PARD3B: variants seen among roughly 807,000 people sequenced by gnomAD.
PARD3B encodes par-3 family cell polarity regulator beta.
PARD3B carries 103 observed loss-of-function variants against 130.2 expected under a neutral mutation model. That is an observed-to-expected ratio of 0.79 (90% CI 0.67 to 0.93). The LOEUF (loss-of-function observed/expected upper bound fraction) is 0.93. Ranked by LOEUF, PARD3B falls within the 40% of genes least tolerant of loss-of-function variation. The pLI, the probability that PARD3B is intolerant of heterozygous loss-of-function variation, is 0.00. For synonymous variants in PARD3B, 583 were observed against 553.2 expected, an observed-to-expected ratio of 1.05 and a Z score of -0.76; for missense variants, 1,609 against 1,499.2, an observed-to-expected ratio of 1.07 and a Z score of -1.21.
intron 15 of PARD3B, among the ~76,000 whole-genome samples, chr2:205,213,359 T>G (rs2037746097): frequency 6.6e-6 from 1 of 152,142 alleles, no homozygotes; most frequent in Admixed American, 6.6e-5. Flanking sequence ...GTGAGCATTT[T>G]TTTTCCCATT....
At chr2:205,481,724 A>T (rs768337531) in intron 20 of PARD3B, among the ~76,000 whole-genome samples, 2 of 152,156 alleles carry the variant, frequency 1.3e-5, no homozygotes, top group Non-Finnish European at 2.9e-5. Context: ...CTTATTTCAG[A>T]GATAAGGAGG....
At chr2:205,467,128 G>A (rs900464462) in intron 20 of PARD3B, among the ~76,000 whole-genome samples, 3 of 152,132 alleles carry the variant, frequency 2.0e-5, no homozygotes, top group Admixed American at 2.0e-4. Flanking sequence ...TATCTTTTTG[G>A]TCATTTTGTT....
chr2:205,586,278 C>T (rs2054193735), intron 22 of PARD3B, among the ~76,000 whole-genome samples: 1 of 152,198 alleles, frequency 6.6e-6, no homozygotes. Context: ...TCAGAAAACA[C>T]ATATTGATTG....
In PARD3B at chr2:204,679,997, G is replaced by A. The variant is rs544177123; in HGVS notation, c.121-6184G>A. 3.9e-5 allele frequency among the ~76,000 whole-genome samples: 6 copies of A among 152,042 alleles called. No homozygotes were observed. In the East Asian group the frequency reaches 1.2e-3, roughly 29 times the overall value. On this transcript the variant is annotated intron_variant, in intron 1 of 22. Transcript: ENST00000406610. The stretch of plus-strand genomic sequence containing the variant: ...TGTAGATTTTTACCTACATATCCAT[G>A]AGAAAGAGAGAGACTGGGATATTAT...
intron 15 of PARD3B, among the ~76,000 whole-genome samples, chr2:205,219,121 T>A (rs2038103162): frequency 6.6e-6 from 1 of 151,992 alleles, no homozygotes; most frequent in African/African-American, 2.4e-5. Flanking sequence ...CTCTGGACTC[T>A]GGGTCTAGCC....
chr2:205,176,729 G>T lies in PARD3B; in HGVS notation c.1924+152G>T, dbSNP rs2035495080. The T allele has an allele frequency of 1.1e-6, 1 of 877,494 alleles. No homozygotes were observed. The highest frequency in any genetic ancestry group is 1.8e-5 in the African/African-American group (1 of 56,510). The allele number at this position is 877,494 out of a possible 1,614,324, so 54.4% of individuals were successfully genotyped here. A position where few individuals can be genotyped will look rare whatever the true frequency, so the allele number is the denominator to read the frequency against. On this transcript the variant is annotated intron_variant, in intron 13 of 22. Coordinates refer to ENST00000406610, the MANE Select transcript of PARD3B (RefSeq NM_001302769.2). This position sits in a 1 kb window ranked among gnomAD's most constrained non-coding sequence, Gnocchi z 5.3. ...AGTCACAAACACTGAGAGAGTTGGG[G>T]GAGAGCTGACTCAGAACTTGTGAAT...
intron 1 of PARD3B, among the ~76,000 whole-genome samples, chr2:204,662,524 A>G (rs933517603): frequency 6.6e-6 from 1 of 152,226 alleles, no homozygotes; most frequent in Non-Finnish European, 1.5e-5. Context: ...AGCTTGCAAC[A>G]TAATCACACA....
At chr2:205,254,732 C>T (rs1169630602) in intron 16 of PARD3B, among the ~76,000 whole-genome samples, 4 of 150,498 alleles carry the variant, frequency 2.7e-5, no homozygotes, top group Non-Finnish European at 5.9e-5. Context: ...GGCGCGATCT[C>T]GGCTCACTGC....
At chr2:204,843,076 G>A (rs901375652) in intron 2 of PARD3B, among the ~76,000 whole-genome samples, 3 of 152,050 alleles carry the variant, frequency 2.0e-5, no homozygotes, top group African/African-American at 7.2e-5. Context: ...TCTGAGCTGA[G>A]CCCCGAGGAT....
In PARD3B at chr2:205,357,376, A is replaced by T. The variant is rs1055272365; in HGVS notation, c.2631-43637A>T. The stretch of plus-strand genomic sequence containing the variant: ...CATGAAACTTCCTGAGTTGAATTAT[A>T]TTTGGAAGACAAAAATAATTTCTGT... On this transcript the variant is annotated intron_variant, in intron 18 of 22. Coordinates refer to ENST00000406610, the MANE Select transcript of PARD3B (RefSeq NM_001302769.2). Among the ~76,000 whole-genome samples the T allele has an allele frequency of 2.0e-5, 3 of 152,182 alleles. No individual in the cohort carries two copies. In the East Asian group the frequency reaches 5.8e-4, roughly 29 times the overall value.
At chr2:205,444,755 C>T (rs2047846152) in intron 20 of PARD3B, among the ~76,000 whole-genome samples, 1 of 152,094 alleles carries the variant, frequency 6.6e-6, no homozygotes, top group African/African-American at 2.4e-5. Flanking sequence ...GCATTGGAGA[C>T]AGGAGAGTAT....
Position 205,300,846 on chromosome 2 carries a change from ATATTT to A in PARD3B, c.2392+112_2392+116del. On this transcript the variant is annotated intron_variant, in intron 17 of 22. Transcript: ENST00000406610. This position sits in a 1 kb window ranked among gnomAD's most constrained non-coding sequence, Gnocchi z 4.1. The stretch of plus-strand genomic sequence containing the variant: ...AAAAAATGATTTAAGGATCACAATT[ATATTT>A]TTGATATTAAAAGTAATTCATTTTC... The A allele has an allele frequency of 8.9e-7, 1 of 1,119,210 alleles. No homozygotes were observed. The highest frequency in any genetic ancestry group is 1.2e-6 in the Non-Finnish European group (1 of 803,390). 69.3% of individuals were successfully genotyped at this position (1,119,210 alleles called of 1,614,324 possible).
At chr2:204,942,511 T>TA (rs2125805187) in intron 2 of PARD3B, among the ~76,000 whole-genome samples, 1 of 152,294 alleles carries the variant, frequency 6.6e-6, no homozygotes, top group South Asian at 2.1e-4. Context: ...TTCTGAATTT[T>TA]ATTGAAGTTT....
At chr2:204,556,218 A>G (rs1407780991) in intron 1 of PARD3B, among the ~76,000 whole-genome samples, 1 of 152,156 alleles carries the variant, frequency 6.6e-6, no homozygotes, top group Non-Finnish European at 1.5e-5. Context: ...ATACCACTCA[A>G]CAACATGATT....
intron 2 of PARD3B, among the ~76,000 whole-genome samples, chr2:204,867,161 T>G (rs2045458774): frequency 6.6e-6 from 1 of 152,336 alleles, no homozygotes; most frequent in African/African-American, 2.4e-5. Flanking sequence ...TGATTTTTTT[T>G]TTCAGGAATA....
At chr2:205,587,668 G>A (rs1214065185) in intron 22 of PARD3B, among the ~76,000 whole-genome samples, 4 of 152,054 alleles carry the variant, frequency 2.6e-5, no homozygotes, top group African/African-American at 9.7e-5. Flanking sequence ...TATTTTAGTT[G>A]GGTTTTTGCT....
At chr2:204,972,700 T>C (rs1197333610) in intron 3 of PARD3B, among the ~76,000 whole-genome samples, 1 of 152,208 alleles carries the variant, frequency 6.6e-6, no homozygotes, top group Non-Finnish European at 1.5e-5. Context: ...ATTTTCTAAG[T>C]TGATTATGTG....
chr2:205,609,169 T>C (rs547010544), intron 22 of PARD3B, among the ~76,000 whole-genome samples: 8 of 152,356 alleles, frequency 5.3e-5, no homozygotes, highest in Admixed American at 1.3e-4. Flanking sequence ...CCAACCACAT[T>C]CGTGCCTGGA....
intron 1 of PARD3B, among the ~76,000 whole-genome samples, chr2:204,615,642 C>T (rs1327094299): frequency 3.9e-5 from 6 of 152,042 alleles, no homozygotes; most frequent in East Asian, 1.9e-4. Flanking sequence ...ATCCTTGAAG[C>T]GACAGGCTTA....
Sources: gnomAD v4.1 joint callset for allele counts (sites outside exome capture counted in the v4.1 genomes callset) on GRCh38, gnomAD v4.1.1 for gene constraint, Gnocchi (gnomAD v3.1) non-coding constraint, MANE v1.5 for transcripts, NCBI Gene and HGNC (gene_info 2026-07-23, HGNC 2026-07-21) for gene names.